Variants in DGKB observed in about 807,000 individuals in gnomAD.
DGKB encodes the protein diacylglycerol kinase beta.
Under a neutral mutation model 114.3 loss-of-function variants are expected in DGKB, and 67 were observed. The observed-to-expected ratio is 0.59, with a 90% CI of 0.48 to 0.72. The LOEUF (loss-of-function observed/expected upper bound fraction) is 0.72, where lower values mean the gene tolerates loss of function less well. Ranked by LOEUF, DGKB falls within the 30% of genes least tolerant of loss-of-function variation. DGKB has a pLI of 0.00. For missense variants in DGKB, 907 were observed against 975.2 expected, an observed-to-expected ratio of 0.93 and a Z score of 0.93; for synonymous variants, 398 against 323.1, an observed-to-expected ratio of 1.23 and a Z score of -2.49.
chr7:14,217,016 C>T (rs1789095002), intron 23 of DGKB, among the ~76,000 whole-genome samples: 1 of 152,050 alleles, frequency 6.6e-6, no homozygotes, highest in Non-Finnish European at 1.5e-5. Flanking sequence ...TTCTGAACCT[C>T]TAAGCTAGGA....
At chr7:14,612,752 T>G (rs181613988) in intron 16 of DGKB, among the ~76,000 whole-genome samples, 1 of 152,254 alleles carries the variant, frequency 6.6e-6, no homozygotes, top group East Asian at 1.9e-4. Flanking sequence ...TAAGATTTAC[T>G]CTTCAATGTA....
chr7:14,829,814 ATAT>A (rs1846174870), intron 2 of DGKB, among the ~76,000 whole-genome samples: 1 of 152,086 alleles, frequency 6.6e-6, no homozygotes, highest in South Asian at 2.1e-4. Context: ...AAGACAAAAC[ATAT>A]TATTAATTGA....
intron 20 of DGKB, among the ~76,000 whole-genome samples, chr7:14,483,186 G>A (rs569592895): frequency 1.4e-4 from 21 of 152,090 alleles, no homozygotes; most frequent in Non-Finnish European, 2.5e-4. Flanking sequence ...TTACAGAAGT[G>A]ACCAAGTTGA....
chr7:14,797,644 A>T (rs531662806), intron 2 of DGKB, among the ~76,000 whole-genome samples: 45 of 144,908 alleles, frequency 3.1e-4, no homozygotes, highest in Middle Eastern at 3.6e-3. Flanking sequence ...CCATCTATTT[A>T]TTTTTTTTTT....
At chr7:14,878,770 A>AC (rs1187779421) in intron 1 of DGKB, among the ~76,000 whole-genome samples, 29 of 140,180 alleles carry the variant, frequency 2.1e-4, no homozygotes, top group Middle Eastern at 3.5e-3. Context: ...AAAAAAAAAC[A>AC]AAAAAAAAAA....
chr7:14,631,755 T>G (rs1255324173), intron 13 of DGKB, among the ~76,000 whole-genome samples: 1 of 152,056 alleles, frequency 6.6e-6, no homozygotes. Context: ...GCCAACCTTA[T>G]TATCATTCTT....
In DGKB at chr7:14,862,923, T is replaced by A. The variant is rs933049633; in HGVS notation, c.-187-21473A>T. ...ATTTAGTATACTAACCTTTGATTTT[T>A]TTTCTCTGCTTTCCCTCTGAAATGA... On this transcript the variant is annotated intron_variant, in intron 1 of 25. Transcript: ENST00000402815. 3.3e-5 allele frequency among the ~76,000 whole-genome samples: 5 copies of A among 152,182 alleles called. No individual in the cohort carries two copies. In the East Asian group the frequency reaches 9.6e-4, roughly 29 times the overall value.
At chr7:14,759,463 A>G (rs1835375925) in intron 2 of DGKB, among the ~76,000 whole-genome samples, 1 of 152,002 alleles carries the variant, frequency 6.6e-6, no homozygotes, top group African/African-American at 2.4e-5. Flanking sequence ...TTCTGTGTCT[A>G]TGGATTTGCC....
intron 1 of DGKB, among the ~76,000 whole-genome samples, chr7:14,885,727 A>T (rs1854952901): frequency 6.6e-6 from 1 of 151,894 alleles, no homozygotes; most frequent in Non-Finnish European, 1.5e-5. Context: ...TTAGGCCTTA[A>T]AACAATCATT....
chr7:14,292,895 C>T (rs1217337316), intron 23 of DGKB, among the ~76,000 whole-genome samples: 1 of 152,076 alleles, frequency 6.6e-6, no homozygotes, highest in Non-Finnish European at 1.5e-5. Context: ...TTCATATTGG[C>T]CATTTCTACA....
intron 21 of DGKB, among the ~76,000 whole-genome samples, chr7:14,424,891 T>C (rs1827266364): frequency 6.6e-6 from 1 of 152,122 alleles, no homozygotes; most frequent in Non-Finnish European, 1.5e-5. Context: ...GACAAGGTCA[T>C]ATCCTTATTG....
At chr7:14,966,126 T>A (rs1416061180) in intron 1 of DGKB, among the ~76,000 whole-genome samples, 1 of 152,090 alleles carries the variant, frequency 6.6e-6, no homozygotes, top group Non-Finnish European at 1.5e-5. Context: ...AGTTTTTTCA[T>A]CCATAAAAAT....
chr7:14,451,566 TCTCTCTC>T (rs1563210902), intron 21 of DGKB, among the ~76,000 whole-genome samples: 56 of 151,912 alleles, frequency 3.7e-4, no homozygotes, highest in African/African-American at 1.3e-3. Context: ...TCTCTCTCTC[TCTCTCTC>T]TCCATCTAAT....
chr7:14,801,821 C>T (rs532320779), intron 2 of DGKB, among the ~76,000 whole-genome samples: 27 of 151,708 alleles, frequency 1.8e-4, no homozygotes, highest in Admixed American at 1.4e-3. Context: ...CTCTCTCCCC[C>T]CGATATATGT....
intron 1 of DGKB, among the ~76,000 whole-genome samples, chr7:14,965,344 T>C (rs920379551): frequency 6.0e-4 from 92 of 152,150 alleles, no homozygotes; most frequent in Non-Finnish European, 4.7e-4. Flanking sequence ...ATGGAACTAA[T>C]ATGCAAGTAC....
At chr7:14,284,632 C>G (rs1800541897) in intron 23 of DGKB, among the ~76,000 whole-genome samples, 2 of 144,908 alleles carry the variant, frequency 1.4e-5, no homozygotes, top group Admixed American at 1.4e-4. Flanking sequence ...CAATGATAGA[C>G]TGGATTAAGA....
Position 14,782,191 on chromosome 7 carries a change from A to G in DGKB, c.71-24460T>C, listed in dbSNP as rs539473815. Among the ~76,000 whole-genome samples the G allele has an allele frequency of 3.9e-5, 6 of 152,056 alleles. No homozygotes were observed. The South Asian group carries it at 1.0e-3, about 26-fold the overall frequency. On this transcript the variant is annotated intron_variant, in intron 2 of 25. Coordinates refer to ENST00000402815, the MANE Select transcript of DGKB (RefSeq NM_001350709.2). The stretch of plus-strand genomic sequence containing the variant: ...AGGCCTGTGCCACCAAACTCAGGCA[A>G]TTTTTTGTATTTTCAGTACAGAATG...
chr7:14,932,797 A>T (rs1785089175), intron 1 of DGKB, among the ~76,000 whole-genome samples: 1 of 152,186 alleles, frequency 6.6e-6, no homozygotes, highest in Non-Finnish European at 1.5e-5. Flanking sequence ...TATCAAAGCT[A>T]ATCTGTTGAC....
In DGKB at chr7:14,270,381, T is replaced by G. The variant is rs576929948; in HGVS notation, c.2122+68134A>C. Among the ~76,000 whole-genome samples the G allele has an allele frequency of 3.9e-5, 6 of 152,286 alleles. No homozygotes were observed. The East Asian group carries it at 9.7e-4, about 25-fold the overall frequency. ...TCTCTTGCCTCTCTTTATACCTTGT[T>G]GTTAGCTTCTAAGTCACTGGTCAGC... On this transcript the variant is annotated intron_variant, in intron 23 of 25. Transcript: ENST00000402815.
Sources: gnomAD v4.1 joint callset for allele counts (sites outside exome capture counted in the v4.1 genomes callset) on GRCh38, gnomAD v4.1.1 for gene constraint, MANE v1.5 for transcripts, NCBI Gene and HGNC (gene_info 2026-07-23, HGNC 2026-07-21) for gene names.